RPH3A: variants seen among roughly 807,000 people sequenced by gnomAD.
The protein encoded by RPH3A is rabphilin 3A.
Under a neutral mutation model 102.2 loss-of-function variants are expected in RPH3A, and 48 were observed. The ratio of observed to expected loss-of-function variants is 0.47; its 90% CI spans 0.37 to 0.60. The LOEUF (loss-of-function observed/expected upper bound fraction) is 0.60. Among genes scored for constraint, RPH3A ranks in the 20% least tolerant of loss-of-function variants. RPH3A has a pLI of 0.00. For missense variants in RPH3A, 781 were observed against 910.1 expected (o/e 0.86, Z 1.83); for synonymous variants, 310 against 324.3 (o/e 0.96, Z 0.47).
At chr12:112,665,077 C>T (rs184107103) in intron 1 of RPH3A, among the ~76,000 whole-genome samples, 1 of 152,256 alleles carries the variant, frequency 6.6e-6, no homozygotes, top group Non-Finnish European at 1.5e-5. Context: ...ACAGAGGTAA[C>T]CAGCTCACTA....
In RPH3A at chr12:112,716,423, C is replaced by T. The variant is rs564509124; in HGVS notation, c.-139-75720C>T. Among the ~76,000 whole-genome samples, 3 of 152,326 alleles carry T rather than the reference C, an allele frequency of 2.0e-5. No homozygotes were observed. In the South Asian group the frequency reaches 6.2e-4, roughly 32 times the overall value. On this transcript the variant is annotated intron_variant, in intron 1 of 21. Coordinates refer to the RPH3A transcript ENST00000543106. ...TTGTATGAGTTAGAGTCCTGGTTTG[C>T]CTGCTTTAACAGTGGCATTCAGAAA...
At chr12:112,853,983 C>T (rs1439882778) in intron 5 of RPH3A, among the ~76,000 whole-genome samples, 3 of 152,208 alleles carry the variant, frequency 2.0e-5, no homozygotes, top group Admixed American at 2.0e-4. Context: ...ACCCTTACGG[C>T]GTCCCTCATG....
At chr12:112,699,259 A>G (rs2040375072) in intron 1 of RPH3A, among the ~76,000 whole-genome samples, 1 of 152,254 alleles carries the variant, frequency 6.6e-6, no homozygotes, top group East Asian at 1.9e-4. Context: ...TAGTTACTAT[A>G]TGACCCAGCA....
At chr12:112,824,251 G>A (rs1265106610) in intron 2 of RPH3A, among the ~76,000 whole-genome samples, 1 of 152,188 alleles carries the variant, frequency 6.6e-6, no homozygotes, top group African/African-American at 2.4e-5. Flanking sequence ...AGAAGAAGGG[G>A]GCTGTACTTT....
At chr12:112,679,706 A>C (rs575502269) in intron 1 of RPH3A, among the ~76,000 whole-genome samples, 9 of 152,284 alleles carry the variant, frequency 5.9e-5, no homozygotes, top group Non-Finnish European at 1.2e-4. Context: ...GATTACAGGC[A>C]TGAGCCACCA....
chr12:112,816,820 C>A (rs1436289795), intron 2 of RPH3A, among the ~76,000 whole-genome samples: 3 of 152,170 alleles, frequency 2.0e-5, no homozygotes, highest in Non-Finnish European at 4.4e-5. Context: ...AGAAACTGGA[C>A]TCCCATCTCT....
intron 2 of RPH3A, among the ~76,000 whole-genome samples, chr12:112,814,762 G>A: frequency 6.6e-6 from 1 of 152,200 alleles, no homozygotes; most frequent in East Asian, 1.9e-4. Context: ...TAGTGGTGAA[G>A]ATCAAATGAG....
intron 1 of RPH3A, among the ~76,000 whole-genome samples, chr12:112,767,686 C>T (rs919271972): frequency 6.6e-6 from 1 of 152,184 alleles, no homozygotes; most frequent in Admixed American, 6.5e-5. Flanking sequence ...CTCTGTGTGA[C>T]AGTTCCCTTA....
chr12:112,608,675 G>C (rs983006020), intron 1 of RPH3A, among the ~76,000 whole-genome samples: 3 of 152,206 alleles, frequency 2.0e-5, no homozygotes, highest in African/African-American at 7.2e-5. Context: ...TCATTCCCAA[G>C]GGCTTGAGCT....
At chr12:112,862,012 CAAAAAAA>C (rs56918360) in intron 5 of RPH3A, among the ~76,000 whole-genome samples, 1 of 78,496 alleles carries the variant, frequency 1.3e-5, no homozygotes, top group Non-Finnish European at 2.5e-5. Flanking sequence ...GACTCCGTCT[CAAAAAAA>C]AAAAAAAAAA....
intron 1 of RPH3A, among the ~76,000 whole-genome samples, chr12:112,601,761 G>A (rs570861651): frequency 1.2e-4 from 19 of 152,034 alleles, no homozygotes; most frequent in African/African-American, 3.6e-4. Context: ...GCAAAACCAC[G>A]TCTCTATAAA....
chr12:112,655,178 A>G (rs985915741), intron 1 of RPH3A, among the ~76,000 whole-genome samples: 13 of 152,232 alleles, frequency 8.5e-5, no homozygotes, highest in African/African-American at 3.1e-4. Flanking sequence ...GAAACCTGGC[A>G]TTGACTTGGC....
chr12:112,875,888 C>G (rs1031174393), intron 12 of RPH3A, 147 bp downstream of exon 12: 15 of 612,844 alleles, frequency 2.4e-5, no homozygotes, highest in Non-Finnish European at 4.0e-5. Flanking sequence ...GAGTCTAAAA[C>G]TTTAGATAGT....
At chr12:112,709,217 C>G (rs1221949974) in intron 1 of RPH3A, among the ~76,000 whole-genome samples, 5 of 152,092 alleles carry the variant, frequency 3.3e-5, no homozygotes, top group African/African-American at 1.2e-4. Context: ...ACTCTTAGTT[C>G]CAGTAAATAC....
At chr12:112,580,134 C>A (rs1364872598) in intron 1 of RPH3A, among the ~76,000 whole-genome samples, 1 of 151,898 alleles carries the variant, frequency 6.6e-6, no homozygotes, top group African/African-American at 2.4e-5. Context: ...GTTTGTCTTC[C>A]TGTCTCTCAT....
At chr12:112,594,893 A>C (rs1484018246) in intron 1 of RPH3A, among the ~76,000 whole-genome samples, 1 of 152,256 alleles carries the variant, frequency 6.6e-6, no homozygotes, top group Non-Finnish European at 1.5e-5. Context: ...TGTTCGATGC[A>C]TGCAAGTCCC....
At chr12:112,621,447 G>A (rs1313601807) in intron 1 of RPH3A, among the ~76,000 whole-genome samples, 4 of 147,718 alleles carry the variant, frequency 2.7e-5, no homozygotes, top group African/African-American at 7.6e-5. Flanking sequence ...AAGGGGTGAC[G>A]GACGCACCTG....
At chr12:112,779,684 T>A (rs2136077380) in intron 1 of RPH3A, among the ~76,000 whole-genome samples, 1 of 152,148 alleles carries the variant, frequency 6.6e-6, no homozygotes, top group South Asian at 2.1e-4. Context: ...CTGACCACCA[T>A]CTCCATACCC....
intron 5 of RPH3A, 43 bp from the exon 6 acceptor site, chr12:112,865,371 C>A: frequency 1.2e-6 from 2 of 1,605,108 alleles, no homozygotes; most frequent in Admixed American, 1.7e-5. Context: ...GCTGGTGGTC[C>A]CCAGTCCTAC....
Sources: gnomAD v4.1 joint callset for allele counts (sites outside exome capture counted in the v4.1 genomes callset) on GRCh38, gnomAD v4.1.1 for gene constraint, MANE v1.5 for transcripts, NCBI Gene and HGNC (gene_info 2026-07-23, HGNC 2026-07-21) for gene names.